Variants in CALN1 observed in about 807,000 individuals in gnomAD.
CALN1 encodes calcium-binding protein 8.
In CALN1, 17 loss-of-function variants were observed where a neutral mutation model predicts 30.6. The ratio of observed to expected loss-of-function variants is 0.56; its 90% CI spans 0.38 to 0.83. The LOEUF (loss-of-function observed/expected upper bound fraction) is 0.83, where lower values mean the gene tolerates loss of function less well. Among genes scored for constraint, CALN1 ranks in the 40% least tolerant of loss-of-function variants. CALN1 has a pLI of 0.00. For missense variants in CALN1, 291 were observed against 354.9 expected, an observed-to-expected ratio of 0.82 and a Z score of 1.45; for synonymous variants, 156 against 131.4, an observed-to-expected ratio of 1.19 and a Z score of -1.28.
chr7:71,926,443 A>G (rs945174101), intron 5 of CALN1, among the ~76,000 whole-genome samples: 1 of 152,146 alleles, frequency 6.6e-6, no homozygotes, highest in Non-Finnish European at 1.5e-5. Context: ...CAATAGGCCT[A>G]TTGGAGAGCA....
the CALN1 span, among the ~76,000 whole-genome samples, chr7:72,470,678 A>G: frequency 6.6e-6 from 1 of 152,222 alleles, no homozygotes; most frequent in Admixed American, 6.5e-5. Context: ...ATTAAACAAT[A>G]AAATAAAATA....
intron 2 of CALN1, among the ~76,000 whole-genome samples, chr7:72,393,990 T>C (rs905187155): frequency 6.6e-6 from 1 of 152,142 alleles, no homozygotes; most frequent in Non-Finnish European, 1.5e-5. Context: ...AAGAATCACA[T>C]AGGAAGTAAA....
intron 4 of CALN1, among the ~76,000 whole-genome samples, chr7:72,067,793 A>G (rs1477921882): frequency 6.6e-6 from 1 of 151,212 alleles, no homozygotes; most frequent in East Asian, 1.9e-4. Context: ...CCCCAGGTCC[A>G]GCAAGGGCTG....
chr7:72,399,715 T>C (rs897405015), intron 2 of CALN1, among the ~76,000 whole-genome samples: 22 of 152,148 alleles, frequency 1.4e-4, no homozygotes, highest in Admixed American at 1.3e-3. Flanking sequence ...GAATAAGACA[T>C]ACATCTAATA....
chr7:71,943,821 A>G (rs1372829840), intron 5 of CALN1, among the ~76,000 whole-genome samples: 1 of 152,182 alleles, frequency 6.6e-6, no homozygotes, highest in Non-Finnish European at 1.5e-5. Context: ...GGACCTTGGA[A>G]AATTAAATTG....
chr7:71,824,878 C>G (rs929058053), intron 5 of CALN1, among the ~76,000 whole-genome samples: 1 of 152,104 alleles, frequency 6.6e-6, no homozygotes, highest in Non-Finnish European at 1.5e-5. Flanking sequence ...CTGGGGTCTC[C>G]TGATGGGGTC....
intron 2 of CALN1, among the ~76,000 whole-genome samples, chr7:72,362,180 G>A (rs1803613466): frequency 6.6e-6 from 1 of 152,006 alleles, no homozygotes; most frequent in Non-Finnish European, 1.5e-5. Flanking sequence ...CCACGTCCAG[G>A]GTTAGCACAA....
At chr7:72,280,468 A>G (rs1797661932) in intron 2 of CALN1, among the ~76,000 whole-genome samples, 1 of 152,238 alleles carries the variant, frequency 6.6e-6, no homozygotes, top group Non-Finnish European at 1.5e-5. Context: ...ATGTTTCCAA[A>G]TCTATCCTTA....
intron 5 of CALN1, among the ~76,000 whole-genome samples, chr7:71,883,480 C>T (rs377239747): frequency 6.6e-6 from 1 of 152,272 alleles, no homozygotes; most frequent in African/African-American, 2.4e-5. Context: ...CTCTTCTTCC[C>T]ACTTCTTGTT....
chr7:71,862,387 T>C (rs1365190897), intron 5 of CALN1, among the ~76,000 whole-genome samples: 1 of 152,200 alleles, frequency 6.6e-6, no homozygotes, highest in Non-Finnish European at 1.5e-5. Flanking sequence ...AGGCAGGTCT[T>C]TCCCGTGCTG....
intron 5 of CALN1, among the ~76,000 whole-genome samples, chr7:71,875,498 G>A (rs952113147): frequency 3.3e-5 from 5 of 152,160 alleles, no homozygotes; most frequent in Non-Finnish European, 1.5e-5. Flanking sequence ...ATATAATGAA[G>A]CCAGTAATTG....
At chr7:72,482,435 C>A in the CALN1 span, among the ~76,000 whole-genome samples, 2 of 152,136 alleles carry the variant, frequency 1.3e-5, no homozygotes, top group East Asian at 3.9e-4. Context: ...GTTCTTTGGT[C>A]ACTTTTTCCT....
intron 6 of CALN1, among the ~76,000 whole-genome samples, chr7:71,808,189 T>C (rs1787733389): frequency 6.6e-6 from 1 of 151,536 alleles, no homozygotes; most frequent in Admixed American, 6.6e-5. Context: ...TTATTAATTA[T>C]GATATTTATT....
intron 3 of CALN1, among the ~76,000 whole-genome samples, chr7:72,179,603 T>C (rs113925860): frequency 2.6e-5 from 4 of 152,160 alleles, no homozygotes; most frequent in Non-Finnish European, 5.9e-5. Flanking sequence ...TGTGTACATA[T>C]ATATGTGTAA....
intron 5 of CALN1, among the ~76,000 whole-genome samples, chr7:71,827,950 G>T (rs76992121): frequency 2.0e-5 from 3 of 152,092 alleles, no homozygotes; most frequent in Non-Finnish European, 2.9e-5. Context: ...CATGAGGCTA[G>T]AACGTGCTCT....
chr7:72,136,136 AAAATAAAT>A (rs138109942), intron 3 of CALN1, among the ~76,000 whole-genome samples: 35 of 140,856 alleles, frequency 2.5e-4, no homozygotes, highest in South Asian at 7.1e-4. Flanking sequence ...CTCTGTCTCA[AAAATAAAT>A]AAATAAATAA....
At chr7:72,310,132 C>G (rs1448574022) in intron 2 of CALN1, among the ~76,000 whole-genome samples, 1 of 151,880 alleles carries the variant, frequency 6.6e-6, no homozygotes, top group Non-Finnish European at 1.5e-5. Flanking sequence ...CCTTAAGTCT[C>G]TAGATATACA....
At chr7:72,195,315 G>A (rs1394499783) in intron 3 of CALN1, among the ~76,000 whole-genome samples, 1 of 152,084 alleles carries the variant, frequency 6.6e-6, no homozygotes, top group East Asian at 1.9e-4. Context: ...TTTAAATTCA[G>A]GCACATATTT....
chr7:72,397,806 T>C (rs1806081081), intron 2 of CALN1, among the ~76,000 whole-genome samples: 1 of 151,032 alleles, frequency 6.6e-6, no homozygotes, highest in African/African-American at 2.4e-5. Context: ...AGGACTTACT[T>C]TAGAAAAGCT....
Sources: allele counts gnomAD v4.1 joint callset (sites outside exome capture counted in the v4.1 genomes callset), GRCh38; gene constraint gnomAD v4.1.1; transcripts MANE v1.5; gene names NCBI Gene and HGNC (gene_info 2026-07-23, HGNC 2026-07-21).